Variants in ADGRL3 observed in about 807,000 individuals in gnomAD.
ADGRL3 encodes the protein adhesion G protein-coupled receptor L3.
ADGRL3 carries 62 observed loss-of-function variants against 153.5 expected under a neutral mutation model. The observed-to-expected ratio is 0.40, with a 90% confidence interval of 0.33 to 0.50. The LOEUF (loss-of-function observed/expected upper bound fraction) is 0.50, where lower values mean the gene tolerates loss of function less well. Among genes scored for constraint, ADGRL3 ranks in the 20% least tolerant of loss-of-function variants. The pLI, the probability that ADGRL3 is intolerant of heterozygous loss-of-function variation, is 0.47. For missense variants in ADGRL3, 1,641 were observed against 1,859.4 expected (o/e 0.88, Z 2.16); for synonymous variants, 710 against 672.5 (o/e 1.06, Z -0.86).
intron 1 of ADGRL3, among the ~76,000 whole-genome samples, chr4:61,375,517 G>A (rs1354321594): frequency 6.6e-6 from 1 of 152,064 alleles, no homozygotes; most frequent in African/African-American, 2.4e-5. Flanking sequence ...GACTTACACT[G>A]TCCCAGCATG....
chr4:61,503,001 A>G (rs767195811), intron 3 of ADGRL3, among the ~76,000 whole-genome samples: 2 of 152,196 alleles, frequency 1.3e-5, no homozygotes, highest in Non-Finnish European at 2.9e-5. Flanking sequence ...CATGGTAATG[A>G]TATATGAGGT....
chr4:61,267,445 A>G (rs908632608), intron 1 of ADGRL3, among the ~76,000 whole-genome samples: 1 of 151,696 alleles, frequency 6.6e-6, no homozygotes, highest in African/African-American at 2.4e-5. Flanking sequence ...CTACCATGCT[A>G]TATCATCCCT....
intron 9 of ADGRL3, among the ~76,000 whole-genome samples, chr4:61,891,979 T>A (rs1276880062): frequency 6.6e-6 from 1 of 152,182 alleles, no homozygotes; most frequent in Non-Finnish European, 1.5e-5. Flanking sequence ...AACAATCTTG[T>A]TAGAGGATAA....
chr4:61,418,916 A>T (rs10866118), intron 2 of ADGRL3, among the ~76,000 whole-genome samples: 139,735 of 150,466 alleles, frequency 0.93, 66,297 homozygotes, highest in East Asian at 1. Flanking sequence ...TTAATTTAGA[A>T]GTTTATTTAC....
chr4:61,932,960 T>C (rs532657138), intron 13 of ADGRL3, among the ~76,000 whole-genome samples: 1 of 152,206 alleles, frequency 6.6e-6, no homozygotes, highest in Non-Finnish European at 1.5e-5. Context: ...TTTTTCCTTT[T>C]TTCTCATCTT....
Position 61,202,439 on chromosome 4 carries a change from G to A in ADGRL3, c.-240+674G>A, listed in dbSNP as rs1735166906. Among the ~76,000 whole-genome samples, 1 of 152,174 alleles carries A rather than the reference G, an allele frequency of 6.6e-6. No homozygotes were observed. Among genetic ancestry groups the A allele is most frequent in the African/African-American group, 2.4e-5 (1 of 41,452 alleles). On this transcript the variant is annotated intron_variant, in intron 1 of 26. Coordinates refer to ENST00000683033, the MANE Select transcript of ADGRL3 (RefSeq NM_001387552.1). The surrounding 1 kb of genome is among the most constrained non-coding windows in gnomAD (Gnocchi z 5.0). Reference sequence around the variant, plus strand: ...CCTGCGTGCCCAGGCTTTGTTAGGCGGTTTTGGCTGGAGAAAGCTGCCACT... The same window carrying A: ...CCTGCGTGCCCAGGCTTTGTTAGGCAGTTTTGGCTGGAGAAAGCTGCCACT...
intron 4 of ADGRL3, chr4:61,583,730 G>C (rs1409142323): frequency 1.9e-6 from 1 of 518,354 alleles, no homozygotes; most frequent in Non-Finnish European, 3.9e-6. Context: ...CTAGCAGAAG[G>C]TTTCCAGATT....
chr4:61,808,069 T>C (rs2097570458), intron 8 of ADGRL3, among the ~76,000 whole-genome samples: 1 of 152,136 alleles, frequency 6.6e-6, no homozygotes, highest in Non-Finnish European at 1.5e-5. Context: ...TGCTCTTCCC[T>C]CAGATCTCAG....
At chr4:61,512,675 A>C (rs1355643531) in intron 3 of ADGRL3, among the ~76,000 whole-genome samples, 3 of 152,158 alleles carry the variant, frequency 2.0e-5, no homozygotes, top group Non-Finnish European at 4.4e-5. Context: ...AAATATTATG[A>C]AATGTGATTA....
intron 2 of ADGRL3, among the ~76,000 whole-genome samples, chr4:61,461,121 T>C (rs335342): frequency 0.94 from 143,746 of 152,214 alleles, 67,897 homozygotes; most frequent in Middle Eastern, 0.98. Context: ...GACTTATTCA[T>C]TACCACGAGA....
intron 2 of ADGRL3, among the ~76,000 whole-genome samples, chr4:61,421,861 C>G (rs1472318693): frequency 6.6e-6 from 1 of 152,048 alleles, no homozygotes; most frequent in African/African-American, 2.4e-5. Context: ...CTATCCACAA[C>G]ATTTGTAAAT....
intron 25 of ADGRL3, among the ~76,000 whole-genome samples, chr4:62,050,054 C>T (rs930545068): frequency 8.6e-5 from 13 of 151,844 alleles, no homozygotes; most frequent in South Asian, 4.2e-4. Flanking sequence ...CATTCACTAC[C>T]GAAGTTTTGT....
Position 61,946,951 on chromosome 4 carries a change from G to C in ADGRL3, c.2457G>C (p.Leu819Phe). 1 of 1,613,708 alleles carries C rather than the reference G, an allele frequency of 6.2e-7. No individual in the cohort carries two copies. The highest frequency in any genetic ancestry group is 8.5e-7 in the Non-Finnish European group (1 of 1,179,766). Residue 819 changes from leucine to phenylalanine, a missense_variant, in exon 16 of 27, where the codon TTG becomes TTC. Coordinates refer to ENST00000683033, the MANE Select transcript of ADGRL3 (RefSeq NM_001387552.1). ...TGGCCTTTGTCCTGTATAACAACTT[G>C]GGTCCTTATTTATCCACGGAGAATG... ...IRVAFVLYNN[L>F]GPYLSTENAS...
intron 24 of ADGRL3, among the ~76,000 whole-genome samples, chr4:62,039,472 A>G (rs1241700088): frequency 6.6e-6 from 1 of 152,208 alleles, no homozygotes; most frequent in Admixed American, 6.5e-5. Flanking sequence ...TATGTTAAAT[A>G]ATTTTACTAA....
intron 2 of ADGRL3, among the ~76,000 whole-genome samples, chr4:61,402,821 AT>A (rs2096946261): frequency 6.6e-6 from 1 of 152,074 alleles, no homozygotes; most frequent in African/African-American, 2.4e-5. Flanking sequence ...TCATTCATTC[AT>A]TCATTTATTC....
At chr4:61,205,673 C>G (rs898345268) in intron 1 of ADGRL3, among the ~76,000 whole-genome samples, 32 of 152,130 alleles carry the variant, frequency 2.1e-4, no homozygotes, top group Non-Finnish European at 3.7e-4. Context: ...AAAAGTAAAA[C>G]TTGCAAGTAT....
chr4:61,456,497 A>G (rs1208768718), intron 2 of ADGRL3, among the ~76,000 whole-genome samples: 4 of 135,432 alleles, frequency 3.0e-5, no homozygotes, highest in African/African-American at 1.1e-4. Context: ...AGATATATCT[A>G]TATCTATATA....
At chr4:61,711,465 T>TATATATATATATATATAG (rs2095984622) in intron 6 of ADGRL3, among the ~76,000 whole-genome samples, 1 of 79,858 alleles carries the variant, frequency 1.3e-5, no homozygotes, top group African/African-American at 5.7e-5. Flanking sequence ...TCATTATATA[T>TATATATATATATATATAG]ATATATATAT....
At chr4:61,260,585 A>T (rs1479051997) in intron 1 of ADGRL3, among the ~76,000 whole-genome samples, 4 of 152,214 alleles carry the variant, frequency 2.6e-5, no homozygotes. Flanking sequence ...GAGTTAAGTA[A>T]GATAATAAAT....
Sources: gnomAD v4.1 joint callset for allele counts (sites outside exome capture counted in the v4.1 genomes callset) on GRCh38, gnomAD v4.1.1 for gene constraint, Gnocchi (gnomAD v3.1) non-coding constraint, MANE v1.5 for transcripts, NCBI Gene and HGNC (gene_info 2026-07-23, HGNC 2026-07-21) for gene names.